The following SPDYA variants were observed in gnomAD, a reference collection of about 807,000 sequenced individuals.
SPDYA encodes speedy protein A.
In SPDYA, 11 loss-of-function variants were observed where a neutral mutation model predicts 36.7. The ratio of observed to expected loss-of-function variants is 0.30; its 90% confidence interval spans 0.19 to 0.50. SPDYA has a LOEUF of 0.50. SPDYA is among the 20% of genes least tolerant of loss of function. The probability of loss-of-function intolerance (pLI) is 0.98; values close to 1 mark genes in which losing one functional copy is unlikely to be tolerated. For missense variants in SPDYA, 287 were observed against 370.9 expected, an observed-to-expected ratio of 0.77 and a Z score of 1.86; for synonymous variants, 115 against 118.7, an observed-to-expected ratio of 0.97 and a Z score of 0.20.
chr2:28,850,025 A>C lies in SPDYA; in HGVS notation c.*84A>C. ...GACAAGTGTCAAAATGGGATGTTTA[A>C]GCAGTTTTGCTATGTTATACATCTT... On this transcript the variant is annotated 3_prime_UTR_variant, in exon 8 of 8. Coordinates refer to ENST00000334056, the MANE Select transcript of SPDYA (RefSeq NM_182756.4). The C allele has an allele frequency of 7.9e-7, 1 of 1,258,302 alleles. No individual in the cohort carries two copies. Among genetic ancestry groups the C allele is most frequent in the Admixed American group, 2.2e-5 (1 of 45,140 alleles). The allele number at this position is 1,258,302 out of a possible 1,614,324, so 77.9% of individuals were successfully genotyped here.
rs1667859070 is a variant in SPDYA, at chr2:28,811,950, A to T, written c.-93+1003A>T. ...GTTAGCTGGTTTTGTTTTCTTGGCA[A>T]GGTGACGATAAGTAATACTGGAGTG... On this transcript the variant is annotated intron_variant, in intron 1 of 7. Transcript: ENST00000334056. The surrounding 1 kb of genome is among the most constrained non-coding windows in gnomAD (Gnocchi z 4.2). Among the ~76,000 whole-genome samples, 1 of 152,196 alleles carries T rather than the reference A, an allele frequency of 6.6e-6. No individual in the cohort carries two copies. The highest frequency in any genetic ancestry group is 2.4e-5 in the African/African-American group (1 of 41,458).
intron 2 of SPDYA, among the ~76,000 whole-genome samples, chr2:28,815,283 AACACACACACACACACACAC>A (rs55773017): frequency 3.7e-5 from 5 of 136,832 alleles, no homozygotes; most frequent in Non-Finnish European, 3.1e-5. Flanking sequence ...CCCTGTCTGA[AACACACACACACACACACAC>A]ACACACACAC....
intron 6 of SPDYA, among the ~76,000 whole-genome samples, chr2:28,838,594 T>C (rs1354342489): frequency 2.0e-5 from 3 of 152,324 alleles, no homozygotes; most frequent in East Asian, 3.9e-4. Context: ...AAAATATATG[T>C]AGACATATTT....
chr2:28,840,791 T>C (rs981785213), intron 7 of SPDYA: 2 of 1,024,744 alleles, frequency 2.0e-6, no homozygotes, highest in African/African-American at 3.4e-5. Context: ...ATAAATTTAC[T>C]TGTAATCTCA....
intron 6 of SPDYA, among the ~76,000 whole-genome samples, chr2:28,836,158 ATCC>A (rs2148099490): frequency 6.6e-6 from 1 of 152,334 alleles, no homozygotes; most frequent in East Asian, 1.9e-4. Flanking sequence ...GGGTGGTGGC[ATCC>A]TCATTTCACA....
chr2:28,850,453 A>AT lies in SPDYA; in HGVS notation c.*519dup, dbSNP rs780343762. ...CTATAAGCTACATAAAATATTTTCT[A>AT]TTTTTTTCACAAAACTGTTAAAATA... is the stretch of plus-strand genomic sequence containing the variant. On this transcript the variant is annotated 3_prime_UTR_variant, in exon 8 of 8. Transcript: ENST00000334056. 5.4e-6 allele frequency: 7 copies of AT among 1,284,510 alleles called. No individual in the cohort carries two copies. Among genetic ancestry groups the AT allele is most frequent in the African/African-American group, 3.0e-5 (2 of 65,586 alleles). The allele number at this position is 1,284,510 out of a possible 1,614,324, so 79.6% of individuals were successfully genotyped here. A position where few individuals can be genotyped will look rare whatever the true frequency, so the allele number is the denominator to read the frequency against.
Position 28,811,650 on chromosome 2 carries a change from C to CA in SPDYA, c.-93+710dup, listed in dbSNP as rs937370865. Among the ~76,000 whole-genome samples, 21 of 151,324 alleles carry CA rather than the reference C, an allele frequency of 1.4e-4. No homozygotes were observed. In the South Asian group the frequency reaches 1.5e-3, roughly 11 times the overall value. On this transcript the variant is annotated intron_variant, in intron 1 of 7. Coordinates refer to ENST00000334056, the MANE Select transcript of SPDYA (RefSeq NM_182756.4). This position sits in a 1 kb window ranked among gnomAD's most constrained non-coding sequence, Gnocchi z 4.2. ...GCCCACAGCGAAAACCCCGTCTCTACAAAAAAATAATGAAAAAAAAAATTA... is the reference window on the plus strand; with the variant it reads ...GCCCACAGCGAAAACCCCGTCTCTACAAAAAAAATAATGAAAAAAAAAATTA...
chr2:28,820,914 A>G (rs1035409144), intron 4 of SPDYA, among the ~76,000 whole-genome samples: 5 of 152,222 alleles, frequency 3.3e-5, no homozygotes, highest in Admixed American at 6.5e-5. Flanking sequence ...TGAAGTAAAT[A>G]GAATAGAACA....
chr2:28,849,244 G>C (rs1181906965), intron 7 of SPDYA, among the ~76,000 whole-genome samples: 2 of 152,142 alleles, frequency 1.3e-5, no homozygotes, highest in African/African-American at 4.8e-5. Context: ...TGGTGCCTAT[G>C]AATAATAAGT....
rs58731880 is a variant in SPDYA at position 28,846,722 on chromosome 2, T to TACACACACACAC, written c.851-3088_851-3077dup. Among the ~76,000 whole-genome samples, 244 of 126,548 alleles carry TACACACACACAC rather than the reference T, an allele frequency of 1.9e-3. 3 individuals carry two copies. The highest frequency in any genetic ancestry group is 4.8e-3 in the African/African-American group (159 of 32,852). The allele number at this position is 126,548 out of a possible 152,430, so 83.0% of individuals were successfully genotyped here. A position where few individuals can be genotyped will look rare whatever the true frequency, so the allele number is the denominator to read the frequency against. On this transcript the variant is annotated intron_variant, in intron 7 of 7. Transcript: ENST00000334056. ...AAAAAGAAGAGAAATAGAAGAAAACTACACACACACACACACACACACACA... is the reference window on the plus strand; with the variant it reads ...AAAAAGAAGAGAAATAGAAGAAAACTACACACACACACACACACACACACACACACACACACA...
At chr2:28,826,389 A>G (rs1668320349) in intron 5 of SPDYA, among the ~76,000 whole-genome samples, 1 of 152,004 alleles carries the variant, frequency 6.6e-6, no homozygotes, top group Non-Finnish European at 1.5e-5. Flanking sequence ...CACCCGCCTA[A>G]GCCTCCCAAA....
intron 4 of SPDYA, 129 bp downstream of exon 4, chr2:28,819,235 G>A (rs1668072428): frequency 3.1e-6 from 2 of 648,868 alleles, no homozygotes; most frequent in Admixed American, 3.0e-5. Flanking sequence ...GTGGCCAGGT[G>A]CAGTGGCTCA....
At position 28,821,347 on chromosome 2, in the gene SPDYA, G is replaced by A. The variant is rs191320864; in HGVS notation, c.295-978G>A. Among the ~76,000 whole-genome samples, 273 of 151,918 alleles carry A rather than the reference G, an allele frequency of 1.8e-3. 1 individual carries two copies. Among genetic ancestry groups the A allele is most frequent in the Non-Finnish European group, 2.4e-3 (160 of 67,958 alleles). ...CCCAAATGTCTGGGATTACAGGCAT[G>A]TGCCACCACGCCCGGCTAATTTTTC... On this transcript the variant is annotated intron_variant, in intron 4 of 7. Coordinates refer to ENST00000334056, the MANE Select transcript of SPDYA (RefSeq NM_182756.4).
intron 6 of SPDYA, among the ~76,000 whole-genome samples, chr2:28,834,894 T>G (rs989627210): frequency 3.3e-5 from 5 of 152,188 alleles, no homozygotes; most frequent in African/African-American, 1.2e-4. Context: ...TAAAAGTAGT[T>G]CCTCCCACTA....
chr2:28,814,205 A>T lies in SPDYA; in HGVS notation c.-92-408A>T, dbSNP rs114385997. Among the ~76,000 whole-genome samples the T allele has an allele frequency of 3.1e-3, 470 of 152,310 alleles. 1 individual carries two copies. The highest frequency in any genetic ancestry group is 0.011 in the African/African-American group (452 of 41,566). On this transcript the variant is annotated intron_variant, in intron 1 of 7. Transcript: ENST00000334056. ...CTTGAAACTGAATAATTTAATTTTT[A>T]CTTTAAAAACTGAAGGAGCATATTT...
rs1668326893 is a variant in SPDYA, at chr2:28,826,608, TC to T, written c.381-2539del. 4.8e-5 allele frequency among the ~76,000 whole-genome samples: 5 copies of T among 104,914 alleles called. No individual in the cohort carries two copies. In the South Asian group the frequency reaches 1.1e-3, roughly 22 times the overall value. 68.8% of individuals were successfully genotyped at this position (104,914 alleles called of 152,430 possible). A position where few individuals can be genotyped will look rare whatever the true frequency, so the allele number is the denominator to read the frequency against. The stretch of plus-strand genomic sequence containing the variant: ...TTGAAATTTTCTTTTTCTTTCTTTC[TC>T]TCTTTTTTTTTTTTTTTTTTTTTTT... On this transcript the variant is annotated intron_variant, in intron 5 of 7. Transcript: ENST00000334056.
At chr2:28,840,703 C>A in intron 7 of SPDYA, 1 of 1,219,314 alleles carries the variant, frequency 8.2e-7, no homozygotes, top group South Asian at 3.1e-5. Context: ...AACTAATGCA[C>A]CATAAGCCTC....
intron 4 of SPDYA, among the ~76,000 whole-genome samples, chr2:28,820,259 G>T (rs2148079326): frequency 6.6e-6 from 1 of 152,108 alleles, no homozygotes; most frequent in Admixed American, 6.6e-5. Context: ...TACACACTGG[G>T]AGCAGCGATG....
intron 4 of SPDYA, among the ~76,000 whole-genome samples, chr2:28,819,820 TAAAAAAAAAAAA>T (rs1174507151): frequency 5.8e-4 from 10 of 17,214 alleles, no homozygotes; most frequent in African/African-American, 2.5e-3. Flanking sequence ...CCTGGTCTCT[TAAAAAAAAAAAA>T]AAAAAAAAAA....
Sources: gnomAD v4.1 joint callset for allele counts (sites outside exome capture counted in the v4.1 genomes callset) on GRCh38, gnomAD v4.1.1 for gene constraint, Gnocchi (gnomAD v3.1) non-coding constraint, MANE v1.5 for transcripts, NCBI Gene and HGNC (gene_info 2026-07-23, HGNC 2026-07-21) for gene names.